Variants in CSGALNACT1 observed in about 807,000 individuals in gnomAD.
CSGALNACT1 encodes the protein beta4GalNAcT-1.
In CSGALNACT1, 52 loss-of-function variants were observed where a neutral mutation model predicts 51.0. The ratio of observed to expected loss-of-function variants is 1.02; its 90% CI spans 0.82 to 1.29. The LOEUF is 1.29. Ranked by LOEUF, CSGALNACT1 falls within the 50% of genes most tolerant of loss-of-function variation. The pLI, the probability that CSGALNACT1 is intolerant of heterozygous loss-of-function variation, is 0.00. For synonymous variants in CSGALNACT1, 341 were observed against 254.4 expected (o/e 1.34, Z -3.24); for missense variants, 935 against 679.2 (o/e 1.38, Z -4.19).
At chr8:19,595,894 C>A (rs564318637) in intron 2 of CSGALNACT1, among the ~76,000 whole-genome samples, 160 of 143,306 alleles carry the variant, frequency 1.1e-3, no homozygotes, top group Middle Eastern at 0.011. Context: ...GACAGGGTCT[C>A]ACTCTGTCAC....
At chr8:19,507,526 C>CCGATAAAAAA (rs2077573971) in intron 3 of CSGALNACT1, among the ~76,000 whole-genome samples, 1 of 51,324 alleles carries the variant, frequency 1.9e-5, no homozygotes, top group African/African-American at 1.5e-4. Context: ...CCATCTTAGC[C>CCGATAAAAAA]AGAAAAAAAA....
intron 1 of CSGALNACT1, among the ~76,000 whole-genome samples, chr8:19,726,131 C>T (rs1230449737): frequency 6.6e-6 from 1 of 152,058 alleles, no homozygotes; most frequent in Non-Finnish European, 1.5e-5. Context: ...GATAATTCTG[C>T]CTGCATCGCC....
chr8:19,489,009 C>T (rs1044576171), intron 4 of CSGALNACT1, among the ~76,000 whole-genome samples: 4 of 152,090 alleles, frequency 2.6e-5, no homozygotes, highest in East Asian at 1.9e-4. Flanking sequence ...GAAGAAACAA[C>T]GGCCCCCATT....
upstream of CSGALNACT1, among the ~76,000 whole-genome samples, chr8:19,605,518 T>C (rs1164555646): frequency 6.6e-6 from 1 of 152,200 alleles, no homozygotes; most frequent in East Asian, 1.9e-4. Flanking sequence ...CTCCAATGCC[T>C]AGTATGTTCT....
At chr8:19,516,712 G>T (rs1383726724) in intron 3 of CSGALNACT1, among the ~76,000 whole-genome samples, 1 of 152,236 alleles carries the variant, frequency 6.6e-6, no homozygotes, top group Non-Finnish European at 1.5e-5. Context: ...CTCCAGCCGT[G>T]TGGCCTCCAC....
intron 4 of CSGALNACT1, among the ~76,000 whole-genome samples, chr8:19,465,574 A>C (rs761548957): frequency 5.3e-5 from 8 of 152,208 alleles, no homozygotes; most frequent in Non-Finnish European, 1.2e-4. Context: ...GCCCATGCAC[A>C]TGTCTATGCT....
At chr8:19,676,639 G>T (rs1162609625) in intron 1 of CSGALNACT1, among the ~76,000 whole-genome samples, 1 of 152,154 alleles carries the variant, frequency 6.6e-6, no homozygotes, top group Admixed American at 6.5e-5. Flanking sequence ...AAGAAATTAA[G>T]ACCAAAAATC....
chr8:19,553,238 G>A (rs940649776), intron 3 of CSGALNACT1, among the ~76,000 whole-genome samples: 5 of 151,930 alleles, frequency 3.3e-5, no homozygotes, highest in African/African-American at 1.2e-4. Flanking sequence ...GACAGAAAAA[G>A]CACTAACCCC....
At chr8:19,514,794 C>G (rs898847232) in intron 3 of CSGALNACT1, among the ~76,000 whole-genome samples, 1 of 151,670 alleles carries the variant, frequency 6.6e-6, no homozygotes, top group Non-Finnish European at 1.5e-5. Context: ...GATCACTCCA[C>G]TGTACTCCAG....
At chr8:19,534,220 G>T (rs1335857399) in intron 3 of CSGALNACT1, among the ~76,000 whole-genome samples, 6 of 152,186 alleles carry the variant, frequency 3.9e-5, no homozygotes, top group African/African-American at 4.8e-5. Context: ...GGGAGGCCAA[G>T]GCATGTGGAT....
rs370006416 is a variant in CSGALNACT1 at position 19,590,034 on chromosome 8, T to G, written c.-297+1126A>C. ...CTCTCTAGGTTAGACATATTATAAA[T>G]GAAAGAAAGAATTGTCACATCCTAC... is the stretch of plus-strand genomic sequence containing the variant. On this transcript the variant is annotated intron_variant, in intron 3 of 9. Coordinates refer to ENST00000454498, the Ensembl canonical transcript of CSGALNACT1. Among the ~76,000 whole-genome samples, 7 of 152,348 alleles carry G rather than the reference T, an allele frequency of 4.6e-5. No homozygotes were observed. The East Asian group carries it at 1.3e-3, about 29-fold the overall frequency.
chr8:19,434,840 A>C (rs184406348), intron 6 of CSGALNACT1, among the ~76,000 whole-genome samples: 1 of 146,250 alleles, frequency 6.8e-6, no homozygotes, highest in Non-Finnish European at 1.5e-5. Context: ...CTTGTTTAAG[A>C]AAAAAAAAAA....
At chr8:19,690,231 A>T (rs765296394) in intron 1 of CSGALNACT1, among the ~76,000 whole-genome samples, 1 of 152,246 alleles carries the variant, frequency 6.6e-6, no homozygotes, top group Non-Finnish European at 1.5e-5. Context: ...AAGTAACAGA[A>T]GATATAATTT....
At chr8:19,746,923 C>T (rs13249203) in intron 1 of CSGALNACT1, among the ~76,000 whole-genome samples, 24,915 of 152,166 alleles carry the variant, frequency 0.16, 2,207 homozygotes, top group Middle Eastern at 0.32. Context: ...ATGTCATCTG[C>T]CCCAAGAATA....
intron 4 of CSGALNACT1, among the ~76,000 whole-genome samples, chr8:19,489,461 T>C (rs1404335879): frequency 6.6e-6 from 1 of 152,184 alleles, no homozygotes; most frequent in East Asian, 1.9e-4. Context: ...ATTTTCCTTC[T>C]TCCTTCTGAG....
chr8:19,430,194 ATTTTGAT>A (rs2059438944), intron 6 of CSGALNACT1, among the ~76,000 whole-genome samples: 1 of 152,178 alleles, frequency 6.6e-6, no homozygotes. Context: ...AAAGTTTTTA[ATTTTGAT>A]AAAGTTCAAC....
At position 19,690,424 on chromosome 8, in the gene CSGALNACT1, GA is replaced by G. The variant is rs941323309; in HGVS notation, c.-297+67425del. Among the ~76,000 whole-genome samples, 55 of 150,428 alleles carry G rather than the reference GA, an allele frequency of 3.7e-4. 1 individual carries two copies. Among genetic ancestry groups the G allele is most frequent in the Admixed American group, 3.2e-3 (48 of 15,048 alleles). On this transcript the variant is annotated intron_variant, in intron 1 of 1. Coordinates refer to the CSGALNACT1 transcript ENST00000517494. ...GGCCTTAACATTCTGTTTCTGCTAA[GA>G]AAAAAAAATGACAAAAGCTACCACA...
intron 1 of CSGALNACT1, among the ~76,000 whole-genome samples, chr8:19,640,753 C>T (rs1013679148): frequency 3.9e-5 from 6 of 152,142 alleles, no homozygotes; most frequent in African/African-American, 1.4e-4. Context: ...ATTCTATTAA[C>T]CAAACTCTGC....
At chr8:19,431,286 T>C (rs961399979) in intron 6 of CSGALNACT1, among the ~76,000 whole-genome samples, 4 of 152,152 alleles carry the variant, frequency 2.6e-5, no homozygotes. Context: ...TTAAGTATGA[T>C]GTTTTTCATA....
Sources: allele counts gnomAD v4.1 joint callset (sites outside exome capture counted in the v4.1 genomes callset), GRCh38; gene constraint gnomAD v4.1.1; transcripts MANE v1.5; gene names NCBI Gene and HGNC (gene_info 2026-07-23, HGNC 2026-07-21).